OPCML: variants seen among roughly 807,000 people sequenced by gnomAD.
OPCML encodes opioid binding protein/cell adhesion molecule like.
OPCML carries 13 observed loss-of-function variants against 37.8 expected under a neutral mutation model. The observed-to-expected ratio is 0.34, with a 90% CI of 0.22 to 0.55. OPCML has a LOEUF of 0.55. OPCML is among the 20% of genes least tolerant of loss of function. OPCML has a pLI of 0.91. For missense variants in OPCML, 341 were observed against 435.6 expected (o/e 0.78, Z 1.93); for synonymous variants, 176 against 168.8 (o/e 1.04, Z -0.33).
At chr11:132,549,568 G>A (rs1294557297) in intron 3 of OPCML, among the ~76,000 whole-genome samples, 1 of 152,130 alleles carries the variant, frequency 6.6e-6, no homozygotes, top group East Asian at 1.9e-4. Context: ...TCCTTGGGAA[G>A]GCTTTTCTTT....
chr11:132,470,562 A>G (rs1375506297), intron 4 of OPCML, among the ~76,000 whole-genome samples: 1 of 152,238 alleles, frequency 6.6e-6, no homozygotes. Context: ...GCATGAACGC[A>G]TGAATGTGTT....
intron 1 of OPCML, among the ~76,000 whole-genome samples, chr11:133,469,720 C>T (rs1370245263): frequency 6.6e-6 from 1 of 152,138 alleles, no homozygotes; most frequent in African/African-American, 2.4e-5. Flanking sequence ...CTGCAATGCC[C>T]TCATCTCCAA....
At chr11:132,824,348 G>GCT (rs1387777944) in intron 2 of OPCML, among the ~76,000 whole-genome samples, 1 of 152,040 alleles carries the variant, frequency 6.6e-6, no homozygotes, top group African/African-American at 2.4e-5. Flanking sequence ...GCTCATTGCA[G>GCT]CTCCAACGTG....
chr11:132,689,630 G>C (rs1943319740), intron 2 of OPCML, among the ~76,000 whole-genome samples: 1 of 152,224 alleles, frequency 6.6e-6, no homozygotes, highest in African/African-American at 2.4e-5. Flanking sequence ...TAGAGACGAG[G>C]TGTCATGAGG....
intron 1 of OPCML, among the ~76,000 whole-genome samples, chr11:133,204,878 A>G (rs1233471451): frequency 0.033 from 847 of 25,880 alleles, 19 homozygotes; most frequent in African/African-American, 0.11. Flanking sequence ...GTATATATAT[A>G]TATATATATA....
intron 1 of OPCML, among the ~76,000 whole-genome samples, chr11:133,482,324 A>G (rs928662853): frequency 6.6e-6 from 1 of 152,208 alleles, no homozygotes; most frequent in African/African-American, 2.4e-5. Context: ...GCAGCAGACA[A>G]CATGGAGTTA....
chr11:133,319,993 T>C (rs1432786219), intron 1 of OPCML, among the ~76,000 whole-genome samples: 5 of 152,236 alleles, frequency 3.3e-5, no homozygotes, highest in Non-Finnish European at 7.3e-5. Context: ...AAATGCATTG[T>C]AGAAACTGGA....
chr11:133,525,107 G>T (rs1948465018), intron 1 of OPCML, among the ~76,000 whole-genome samples: 1 of 152,164 alleles, frequency 6.6e-6, no homozygotes, highest in Non-Finnish European at 1.5e-5. Flanking sequence ...ATAAAACCAA[G>T]AATTAGTTTG....
At chr11:133,438,699 G>A (rs1050616402) in intron 1 of OPCML, among the ~76,000 whole-genome samples, 1 of 152,258 alleles carries the variant, frequency 6.6e-6, no homozygotes, top group African/African-American at 2.4e-5. Context: ...TCAGGAGGGG[G>A]GCTGCTTGCC....
chr11:132,657,271 G>A lies in OPCML; in HGVS notation c.195C>T (p.Ser65=). The A allele has an allele frequency of 6.2e-7, 1 of 1,614,250 alleles. No homozygotes were observed. The highest frequency in any genetic ancestry group is 8.5e-7 in the Non-Finnish European group (1 of 1,180,044). The change falls in exon 3 of 8, where the codon AGC becomes AGT. Residue 65 remains serine, a synonymous_variant. Coordinates refer to ENST00000524381, the MANE Select transcript of OPCML (RefSeq NM_001012393.5). The part of the protein sequence containing the change: ...RVTRVAWLNR[S]TILYAGNDKW... ...TGTCATTCCCAGCGTAGAGGATGGTGCTGCGGTTTAGCCAGGCCACCCGGG... is the reference window on the plus strand; with the variant it reads ...TGTCATTCCCAGCGTAGAGGATGGTACTGCGGTTTAGCCAGGCCACCCGGG...
chr11:133,326,293 G>A (rs1943448722), intron 1 of OPCML, among the ~76,000 whole-genome samples: 1 of 64,994 alleles, frequency 1.5e-5, no homozygotes, highest in East Asian at 1.8e-3. Context: ...GTGTGGGTGT[G>A]TGTGGGGGTG....
chr11:132,441,170 T>C (rs1320189726), intron 4 of OPCML, among the ~76,000 whole-genome samples: 1 of 113,526 alleles, frequency 8.8e-6, no homozygotes, highest in Admixed American at 9.0e-5. Flanking sequence ...TTTTTGTTTT[T>C]TTTTTTTTTT....
chr11:133,085,270 C>T (rs1460685235), intron 1 of OPCML, among the ~76,000 whole-genome samples: 1 of 152,204 alleles, frequency 6.6e-6, no homozygotes, highest in Non-Finnish European at 1.5e-5. Flanking sequence ...ACAGAGTTCA[C>T]ACCCTGTGTT....
chr11:132,945,361 A>G (rs1219173424), intron 1 of OPCML, among the ~76,000 whole-genome samples: 1 of 152,252 alleles, frequency 6.6e-6, no homozygotes, highest in Non-Finnish European at 1.5e-5. Flanking sequence ...TACTACAGGC[A>G]ATTGTAACAC....
At chr11:132,712,663 A>C (rs2135953433) in intron 2 of OPCML, among the ~76,000 whole-genome samples, 1 of 152,310 alleles carries the variant, frequency 6.6e-6, no homozygotes, top group East Asian at 1.9e-4. Context: ...TTCGCTGACA[A>C]GCGTGGCCTT....
chr11:133,051,966 A>T (rs1206959361), intron 1 of OPCML, among the ~76,000 whole-genome samples: 4 of 152,180 alleles, frequency 2.6e-5, no homozygotes, highest in Admixed American at 1.3e-4. Flanking sequence ...CGGGGAGGAG[A>T]TAAACCCCCA....
intron 3 of OPCML, among the ~76,000 whole-genome samples, chr11:132,566,144 AGAG>A (rs1037812220): frequency 1.7e-4 from 26 of 152,388 alleles, no homozygotes; most frequent in Admixed American, 1.7e-3. Context: ...GATATCTGGT[AGAG>A]GAGAAATATA....
chr11:133,168,445 G>A (rs1950243935), intron 1 of OPCML, among the ~76,000 whole-genome samples: 3 of 152,162 alleles, frequency 2.0e-5, no homozygotes, highest in African/African-American at 7.2e-5. Flanking sequence ...AGGTTTCATT[G>A]TGGCCCAATG....
At chr11:133,283,078 G>T (rs1942202779) in intron 1 of OPCML, among the ~76,000 whole-genome samples, 1 of 152,178 alleles carries the variant, frequency 6.6e-6, no homozygotes, top group South Asian at 2.1e-4. Flanking sequence ...ACGAGTTAAG[G>T]CTTTGAGGGA....
Sources: allele counts gnomAD v4.1 joint callset (sites outside exome capture counted in the v4.1 genomes callset), GRCh38; gene constraint gnomAD v4.1.1; transcripts MANE v1.5; gene names NCBI Gene and HGNC (gene_info 2026-07-23, HGNC 2026-07-21).